The following ITPR2 variants were observed in gnomAD, a reference collection of about 807,000 sequenced individuals.
ITPR2 encodes inositol 1,4,5-trisphosphate-gated calcium channel ITPR2.
ITPR2 carries 207 observed loss-of-function variants against 317.1 expected under a neutral mutation model. That is an observed-to-expected ratio of 0.65 (90% CI 0.58 to 0.73). The LOEUF is 0.73. ITPR2 is among the 30% of genes least tolerant of loss of function. ITPR2 has a pLI of 0.00. For missense variants in ITPR2, 2,613 were observed against 3,284.0 expected (o/e 0.80, Z 4.99); for synonymous variants, 1,156 against 1,149.1 (o/e 1.01, Z -0.12).
chr12:26,408,598 T>C (rs1338380211), intron 52 of ITPR2, among the ~76,000 whole-genome samples: 1 of 152,158 alleles, frequency 6.6e-6, no homozygotes, highest in African/African-American at 2.4e-5. Context: ...TCTCTGTGCC[T>C]TGGGAGCCCT....
intron 37 of ITPR2, among the ~76,000 whole-genome samples, chr12:26,510,438 C>G (rs1196742371): frequency 6.6e-6 from 1 of 152,198 alleles, no homozygotes; most frequent in African/African-American, 2.4e-5. Context: ...TTCCCACAGA[C>G]TTTGTTGACA....
At chr12:26,802,309 AT>A (rs1437335738) in intron 1 of ITPR2, among the ~76,000 whole-genome samples, 29 of 152,150 alleles carry the variant, frequency 1.9e-4, no homozygotes, top group Middle Eastern at 6.8e-3. Context: ...TAAAAAAAAA[AT>A]AAAAATAATT....
At position 26,419,073 on chromosome 12, in the gene ITPR2, G is replaced by C; in HGVS notation, c.7086C>G (p.Val2362=). 5.6e-6 allele frequency: 9 copies of C among 1,613,488 alleles called. No homozygotes were observed. The highest frequency in any genetic ancestry group is 5.9e-6 in the Non-Finnish European group (7 of 1,179,676). ...YVLVCMLGLF[V]HEFFYSFLLF... is the part of the protein sequence containing the mutation. ...CCAGGAAGCTATAGAAGAATTCATG[G>C]ACAAAAAGGCCCAGCATGCAAACCA... The change falls in exon 50 of 57, where the codon GTC becomes GTG. Residue 2362 remains valine, a synonymous_variant. Coordinates refer to ENST00000381340, the MANE Select transcript of ITPR2 (RefSeq NM_002223.4).
chr12:26,452,708 G>A (rs552701452), intron 45 of ITPR2, among the ~76,000 whole-genome samples: 1 of 152,290 alleles, frequency 6.6e-6, no homozygotes, highest in South Asian at 2.1e-4. Flanking sequence ...TATGCAGGAA[G>A]GCTGCTTCGG....
intron 45 of ITPR2, among the ~76,000 whole-genome samples, chr12:26,450,774 G>A (rs1941718582): frequency 6.6e-6 from 1 of 152,116 alleles, no homozygotes; most frequent in Non-Finnish European, 1.5e-5. Context: ...ACACGTGAAG[G>A]GCTGTACGCA....
At chr12:26,676,311 T>A (rs1405522932) in intron 13 of ITPR2, among the ~76,000 whole-genome samples, 2 of 151,920 alleles carry the variant, frequency 1.3e-5, no homozygotes, top group African/African-American at 4.8e-5. Context: ...ACCCTGTATC[T>A]ACTAAAAATA....
chr12:26,367,808 T>C (rs2136591983), intron 55 of ITPR2, among the ~76,000 whole-genome samples: 1 of 152,336 alleles, frequency 6.6e-6, no homozygotes, highest in African/African-American at 2.4e-5. Flanking sequence ...CTACCACTGT[T>C]TGTTTCTAGT....
chr12:26,634,936 G>T (rs10771290), intron 21 of ITPR2, among the ~76,000 whole-genome samples: 121,719 of 146,734 alleles, frequency 0.83, 50,765 homozygotes, highest in East Asian at 0.97. Context: ...AAAGAATGAC[G>T]GGTCAACTTT....
At chr12:26,506,533 A>G (rs1565567591) in intron 37 of ITPR2, among the ~76,000 whole-genome samples, 1 of 151,874 alleles carries the variant, frequency 6.6e-6, no homozygotes, top group Middle Eastern at 3.4e-3. Flanking sequence ...AAAAAAAAAA[A>G]AAAAAAAAAA....
At chr12:26,728,205 G>C (rs1254541573) in intron 2 of ITPR2, among the ~76,000 whole-genome samples, 2 of 152,168 alleles carry the variant, frequency 1.3e-5, no homozygotes, top group African/African-American at 4.8e-5. Flanking sequence ...GTTGTGAAAA[G>C]ACAGTAGGGA....
At chr12:26,450,284 A>T (rs1285183166) in intron 45 of ITPR2, among the ~76,000 whole-genome samples, 1 of 152,196 alleles carries the variant, frequency 6.6e-6, no homozygotes, top group Non-Finnish European at 1.5e-5. Flanking sequence ...GGAAGTTAAC[A>T]CAAATCCACC....
intron 24 of ITPR2, among the ~76,000 whole-genome samples, chr12:26,624,020 T>A (rs1375910734): frequency 6.6e-6 from 1 of 152,200 alleles, no homozygotes; most frequent in Non-Finnish European, 1.5e-5. Context: ...AGGGCATTCT[T>A]GGGCTGTCAT....
Position 26,831,095 on chromosome 12 carries a change from A to C in ITPR2, c.92+1595T>G, listed in dbSNP as rs1193765130. Among the ~76,000 whole-genome samples, 1 of 152,172 alleles carries C rather than the reference A, an allele frequency of 6.6e-6. No individual in the cohort carries two copies. The highest frequency in any genetic ancestry group is 2.4e-5 in the African/African-American group (1 of 41,434). On this transcript the variant is annotated intron_variant, in intron 1 of 56. Coordinates refer to ENST00000381340, the MANE Select transcript of ITPR2 (RefSeq NM_002223.4). The surrounding 1 kb of genome is among the most constrained non-coding windows in gnomAD (Gnocchi z 4.9). ...ACACACACACCTGGAGAGTCTACGGAGGGTGAAGAGCAGCAGAGTCCACCT... is the reference window on the plus strand; with the variant it reads ...ACACACACACCTGGAGAGTCTACGGCGGGTGAAGAGCAGCAGAGTCCACCT...
chr12:26,742,280 CAAGA>C (rs1331503471), intron 2 of ITPR2, among the ~76,000 whole-genome samples: 1 of 152,040 alleles, frequency 6.6e-6, no homozygotes, highest in African/African-American at 2.4e-5. Flanking sequence ...TAAAAAGTAA[CAAGA>C]AAGAATGAAC....
At chr12:26,493,372 T>C (rs1369333696) in intron 39 of ITPR2, among the ~76,000 whole-genome samples, 5 of 152,174 alleles carry the variant, frequency 3.3e-5, no homozygotes, top group African/African-American at 1.2e-4. Flanking sequence ...GCTTTTGGAA[T>C]TTCTAATTAT....
intron 13 of ITPR2, among the ~76,000 whole-genome samples, chr12:26,670,609 G>A (rs1435977057): frequency 1.3e-5 from 2 of 152,144 alleles, no homozygotes; most frequent in Non-Finnish European, 2.9e-5. Flanking sequence ...AAAAAACAGA[G>A]CAGAAAAACT....
intron 48 of ITPR2, among the ~76,000 whole-genome samples, chr12:26,433,400 C>T (rs1003837959): frequency 6.6e-6 from 1 of 152,158 alleles, no homozygotes; most frequent in Admixed American, 6.5e-5. Flanking sequence ...GACTAACAAA[C>T]TTATACCTCC....
intron 24 of ITPR2, 82 bp from the exon 25 acceptor site, chr12:26,622,487 C>G (rs1946522694): frequency 9.3e-7 from 1 of 1,079,688 alleles, no homozygotes; most frequent in Non-Finnish European, 1.3e-6. Flanking sequence ...TACGTATTCT[C>G]AGAGGTATAT....
intron 13 of ITPR2, 112 bp from the exon 14 acceptor site, chr12:26,666,163 T>TAGA: frequency 8.3e-5 from 34 of 411,812 alleles, no homozygotes; most frequent in South Asian, 1.2e-4. Context: ...GATAGATAGA[T>TAGA]TTTTTTTTAC....
Sources: gnomAD v4.1 joint callset for allele counts (sites outside exome capture counted in the v4.1 genomes callset) on GRCh38, gnomAD v4.1.1 for gene constraint, Gnocchi (gnomAD v3.1) non-coding constraint, MANE v1.5 for transcripts, NCBI Gene and HGNC (gene_info 2026-07-23, HGNC 2026-07-21) for gene names.